Variants in TNFRSF19 observed in about 807,000 individuals in gnomAD.
The protein encoded by TNFRSF19 is tumor necrosis factor receptor superfamily member 19.
A neutral mutation model predicts 46.4 loss-of-function variants in TNFRSF19; 27 were observed. The ratio of observed to expected loss-of-function variants is 0.58; its 90% CI spans 0.43 to 0.80. TNFRSF19 has a LOEUF of 0.80. Ranked by LOEUF, TNFRSF19 falls within the 30% of genes least tolerant of loss-of-function variation. The pLI, the probability that TNFRSF19 is intolerant of heterozygous loss-of-function variation, is 0.00. For missense variants in TNFRSF19, 511 were observed against 530.8 expected, an observed-to-expected ratio of 0.96 and a Z score of 0.37; for synonymous variants, 204 against 205.0, an observed-to-expected ratio of 1.00 and a Z score of 0.04.
At chr13:23,631,227 GGT>G (rs1268252375) in intron 5 of TNFRSF19, among the ~76,000 whole-genome samples, 1 of 152,034 alleles carries the variant, frequency 6.6e-6, no homozygotes. Flanking sequence ...AAAAGTGAGT[GGT>G]GGAAGGGAAC....
At chr13:23,644,125 TAAAAG>T (rs1450866458) in intron 5 of TNFRSF19, among the ~76,000 whole-genome samples, 3 of 152,168 alleles carry the variant, frequency 2.0e-5, no homozygotes, top group South Asian at 2.1e-4. Flanking sequence ...CAAGGGAACT[TAAAAG>T]AAGAGTCAAG....
intron 5 of TNFRSF19, among the ~76,000 whole-genome samples, chr13:23,654,422 C>A (rs1441060022): frequency 6.6e-6 from 1 of 152,124 alleles, no homozygotes; most frequent in South Asian, 2.1e-4. Context: ...TTACTGCCCC[C>A]ACGTCTGATC....
At chr13:23,619,698 C>G (rs1374967369) in intron 4 of TNFRSF19, among the ~76,000 whole-genome samples, 3 of 152,184 alleles carry the variant, frequency 2.0e-5, no homozygotes, top group Non-Finnish European at 2.9e-5. Flanking sequence ...TTCGTGTTCT[C>G]CAGTTCCCTG....
At chr13:23,644,201 T>G (rs1593282016) in intron 5 of TNFRSF19, among the ~76,000 whole-genome samples, 1 of 152,226 alleles carries the variant, frequency 6.6e-6, no homozygotes, top group East Asian at 1.9e-4. Context: ...GGGAAAAGCT[T>G]GCATAGCTGT....
chr13:23,626,650 C>G, intron 4 of TNFRSF19, 57 bp from the exon 5 acceptor site: 1 of 1,554,184 alleles, frequency 6.4e-7, no homozygotes, highest in Non-Finnish European at 8.8e-7. Flanking sequence ...AATTTATGAC[C>G]ACAACTGTAA....
At chr13:23,668,603 G>A in intron 8 of TNFRSF19, 89 bp from the exon 9 acceptor site, 1 of 1,459,608 alleles carries the variant, frequency 6.9e-7, no homozygotes, top group South Asian at 1.4e-5. Context: ...ATTTCATTTA[G>A]AAGACCTAAA....
intron 9 of TNFRSF19, chr13:23,669,718 G>C: frequency 2.0e-6 from 2 of 985,248 alleles, no homozygotes; most frequent in Non-Finnish European, 2.4e-6. Flanking sequence ...AGAGAGATGG[G>C]GGCTTTCTGC....
intron 6 of TNFRSF19, 23 bp from the exon 7 acceptor site, chr13:23,660,342 C>CA: frequency 6.2e-7 from 1 of 1,606,804 alleles, no homozygotes; most frequent in Non-Finnish European, 8.5e-7. Flanking sequence ...TGTTCCCTGA[C>CA]AGAGTTCTCA....
At chr13:23,636,436 G>C (rs12429321) in intron 5 of TNFRSF19, among the ~76,000 whole-genome samples, 86,928 of 151,958 alleles carry the variant, frequency 0.57, 26,262 homozygotes, top group Non-Finnish European at 0.67. Flanking sequence ...ATCTCTCCCA[G>C]GTTGTGAATG....
chr13:23,634,966 A>G (rs1748344227), intron 5 of TNFRSF19, among the ~76,000 whole-genome samples: 1 of 152,150 alleles, frequency 6.6e-6, no homozygotes, highest in Admixed American at 6.5e-5. Context: ...TGAAATAGCA[A>G]GTATTTCTTG....
chr13:23,590,603 G>A (rs1267266746), intron 2 of TNFRSF19, among the ~76,000 whole-genome samples: 9 of 152,140 alleles, frequency 5.9e-5, no homozygotes, highest in Admixed American at 5.2e-4. Context: ...CCAAAGTGCC[G>A]GGATTACAGG....
chr13:23,576,717 A>G (rs1259641407), intron 1 of TNFRSF19, among the ~76,000 whole-genome samples: 1 of 152,242 alleles, frequency 6.6e-6, no homozygotes, highest in African/African-American at 2.4e-5. Context: ...CATAGTTGTT[A>G]TACCATATTG....
At chr13:23,577,461 G>A (rs540046204) in intron 1 of TNFRSF19, among the ~76,000 whole-genome samples, 34 of 152,246 alleles carry the variant, frequency 2.2e-4, no homozygotes, top group African/African-American at 7.9e-4. Flanking sequence ...GATACAAATC[G>A]GAACAAAATA....
At chr13:23,594,749 G>A (rs1413251115) in intron 3 of TNFRSF19, among the ~76,000 whole-genome samples, 1 of 152,230 alleles carries the variant, frequency 6.6e-6, no homozygotes, top group Non-Finnish European at 1.5e-5. Flanking sequence ...TCCCAGCAAA[G>A]CACTCGAGCT....
intron 1 of TNFRSF19, among the ~76,000 whole-genome samples, chr13:23,585,978 A>G (rs1467735349): frequency 6.6e-6 from 1 of 152,224 alleles, no homozygotes; most frequent in Admixed American, 6.6e-5. Context: ...GTGACTAAAG[A>G]AAATAAATGT....
At chr13:23,638,268 T>G (rs1447458740) in intron 5 of TNFRSF19, among the ~76,000 whole-genome samples, 2 of 107,382 alleles carry the variant, frequency 1.9e-5, no homozygotes, top group African/African-American at 5.7e-5. Flanking sequence ...CTGCTGCCAT[T>G]GTGCAGCTTT....
chr13:23,662,081 T>G (rs1347655689), intron 7 of TNFRSF19, among the ~76,000 whole-genome samples: 3 of 152,250 alleles, frequency 2.0e-5, no homozygotes, highest in Admixed American at 2.0e-4. Context: ...TGTGATTGCT[T>G]TTGATGTCTT....
At chr13:23,672,372 T>C (rs545586445) in intron 9 of TNFRSF19, among the ~76,000 whole-genome samples, 2 of 152,314 alleles carry the variant, frequency 1.3e-5, no homozygotes, top group African/African-American at 4.8e-5. Flanking sequence ...TTGAAGTTGT[T>C]TTTAATGCAA....
At chr13:23,611,873 C>T (rs1880932266) in intron 3 of TNFRSF19, among the ~76,000 whole-genome samples, 1 of 152,160 alleles carries the variant, frequency 6.6e-6, no homozygotes, top group African/African-American at 2.4e-5. Flanking sequence ...CCAGCTCTAT[C>T]CATGCAAGGG....
Sources: gnomAD v4.1 joint callset for allele counts (sites outside exome capture counted in the v4.1 genomes callset) on GRCh38, gnomAD v4.1.1 for gene constraint, MANE v1.5 for transcripts, NCBI Gene and HGNC (gene_info 2026-07-23, HGNC 2026-07-21) for gene names.